The following CYP19A1 variants were observed in gnomAD, a reference collection of about 807,000 sequenced individuals.
CYP19A1 encodes cytochrome P450 family 19 subfamily A member 1.
In CYP19A1, 32 loss-of-function variants were observed where a neutral mutation model predicts 44.4. The ratio of observed to expected loss-of-function variants is 0.72; its 90% CI spans 0.54 to 0.97. The LOEUF is 0.97. Among genes scored for constraint, CYP19A1 ranks in the 50% least tolerant of loss-of-function variants. The pLI is 0.00. For missense variants in CYP19A1, 598 were observed against 637.8 expected (o/e 0.94, Z 0.67); for synonymous variants, 212 against 215.6 (o/e 0.98, Z 0.14).
chr15:51,319,986 C>T (rs910898726), intron 1 of CYP19A1, among the ~76,000 whole-genome samples: 1 of 152,232 alleles, frequency 6.6e-6, no homozygotes, highest in Non-Finnish European at 1.5e-5. Context: ...CACTTGAATG[C>T]CAGCCATCAT....
chr15:51,326,009 T>C (rs2036603087), intron 1 of CYP19A1, among the ~76,000 whole-genome samples: 1 of 152,196 alleles, frequency 6.6e-6, no homozygotes, highest in African/African-American at 2.4e-5. Flanking sequence ...TGTTATTTAT[T>C]GAATATTGTA....
intron 1 of CYP19A1, among the ~76,000 whole-genome samples, chr15:51,251,597 G>T (rs2141143067): frequency 6.6e-6 from 1 of 152,286 alleles, no homozygotes; most frequent in South Asian, 2.1e-4. Context: ...TGAACCAATG[G>T]TTAGCCTCTT....
intron 3 of CYP19A1, among the ~76,000 whole-genome samples, chr15:51,233,668 T>C (rs2033191120): frequency 6.6e-6 from 1 of 152,192 alleles, no homozygotes; most frequent in South Asian, 2.1e-4. Flanking sequence ...ATAACCCTAA[T>C]TAGTATGTTA....
chr15:51,291,473 G>A (rs1224594874), intron 1 of CYP19A1, among the ~76,000 whole-genome samples: 1 of 152,202 alleles, frequency 6.6e-6, no homozygotes, highest in Non-Finnish European at 1.5e-5. Flanking sequence ...TGTATAATGA[G>A]CATTGGTAGC....
At chr15:51,282,724 G>T (rs567355045) in intron 1 of CYP19A1, among the ~76,000 whole-genome samples, 77 of 152,306 alleles carry the variant, frequency 5.1e-4, no homozygotes, top group African/African-American at 1.7e-3. Context: ...CAAAGGCCCT[G>T]GTGAAGGAAC....
At position 51,236,847 on chromosome 15, in the gene CYP19A1, G is replaced by T. The variant is rs1341465849; in HGVS notation, c.296+12C>A. 1.1e-5 allele frequency: 18 copies of T among 1,613,840 alleles called. No individual in the cohort carries two copies. The highest frequency in any genetic ancestry group is 1.4e-5 in the Non-Finnish European group (16 of 1,179,898). On this transcript the variant is annotated intron_variant, in intron 3 of 9. Transcript: ENST00000396402. Reference sequence around the variant, plus strand: ...ATTTAAAAAGTATGTCTTCGATTATGAACAGACTCACTTGCTGATAATGAG... The same window carrying T: ...ATTTAAAAAGTATGTCTTCGATTATTAACAGACTCACTTGCTGATAATGAG...
At chr15:51,211,134 C>T (rs2030933153) in intron 9 of CYP19A1, 78 bp from the exon 10 acceptor site, 2 of 977,174 alleles carry the variant, frequency 2.0e-6, no homozygotes, top group African/African-American at 1.6e-5. Context: ...ATTCTGAAAA[C>T]ATGGGTCAGT....
intron 1 of CYP19A1, among the ~76,000 whole-genome samples, chr15:51,292,031 C>T (rs1363406688): frequency 6.6e-6 from 1 of 152,228 alleles, no homozygotes; most frequent in Non-Finnish European, 1.5e-5. Context: ...GTCACTCAGT[C>T]AGTCAGATGC....
chr15:51,280,167 G>C (rs922382584), intron 1 of CYP19A1, among the ~76,000 whole-genome samples: 4 of 148,324 alleles, frequency 2.7e-5, no homozygotes, highest in Non-Finnish European at 5.9e-5. Flanking sequence ...TGTCGCCCAG[G>C]CTGGAGTGCA....
chr15:51,285,068 G>A (rs910131842), intron 1 of CYP19A1, among the ~76,000 whole-genome samples: 1 of 152,232 alleles, frequency 6.6e-6, no homozygotes, highest in Non-Finnish European at 1.5e-5. Flanking sequence ...CATGGGGACA[G>A]ATCAAGAAAA....
intron 1 of CYP19A1, among the ~76,000 whole-genome samples, chr15:51,262,401 C>T (rs758300252): frequency 9.9e-5 from 15 of 152,184 alleles, no homozygotes; most frequent in East Asian, 1.9e-4. Flanking sequence ...TCCTCTAGCG[C>T]ACTGGGTTAG....
intron 1 of CYP19A1, chr15:51,312,180 T>G (rs561528462): frequency 2.0e-5 from 3 of 152,174 alleles, no homozygotes; most frequent in Admixed American, 6.5e-5. Context: ...CTGGAATTCA[T>G]TGGAAAGGAC....
intron 1 of CYP19A1, among the ~76,000 whole-genome samples, chr15:51,272,330 G>A (rs1389413821): frequency 6.6e-6 from 1 of 152,170 alleles, no homozygotes; most frequent in East Asian, 1.9e-4. Context: ...AGCTTCATTA[G>A]GCTATGAGCT....
chr15:51,290,226 G>C (rs1257545835), intron 1 of CYP19A1, among the ~76,000 whole-genome samples: 1 of 152,196 alleles, frequency 6.6e-6, no homozygotes, highest in Non-Finnish European at 1.5e-5. Context: ...ATAATAAAAA[G>C]AAGAAACCCT....
At chr15:51,321,294 C>T (rs1046365987) in intron 1 of CYP19A1, among the ~76,000 whole-genome samples, 5 of 152,164 alleles carry the variant, frequency 3.3e-5, no homozygotes, top group Admixed American at 1.3e-4. Context: ...CCCCATCCAC[C>T]CACCATGCCC....
At chr15:51,316,879 T>A (rs1241374546) in intron 1 of CYP19A1, among the ~76,000 whole-genome samples, 1 of 152,202 alleles carries the variant, frequency 6.6e-6, no homozygotes. Flanking sequence ...TTAGGAAGCC[T>A]CCCTTAAGGA....
intron 1 of CYP19A1, among the ~76,000 whole-genome samples, chr15:51,253,370 G>C (rs1204327760): frequency 6.6e-6 from 1 of 152,226 alleles, no homozygotes; most frequent in Non-Finnish European, 1.5e-5. Context: ...GGTCCCTAAA[G>C]AGCTATATGC....
intron 3 of CYP19A1, among the ~76,000 whole-genome samples, chr15:51,235,959 C>G (rs760343537): frequency 6.6e-6 from 1 of 152,194 alleles, no homozygotes; most frequent in African/African-American, 2.4e-5. Flanking sequence ...TAGGGAAATA[C>G]GCCATCTTTG....
At chr15:51,279,189 AG>A (rs2035430428) in intron 1 of CYP19A1, 1 of 152,270 alleles carries the variant, frequency 6.6e-6, no homozygotes, top group South Asian at 2.1e-4. Context: ...CAAGATGAGA[AG>A]TAAAAAGAGT....
Sources: gnomAD v4.1 joint callset for allele counts (sites outside exome capture counted in the v4.1 genomes callset) on GRCh38, gnomAD v4.1.1 for gene constraint, MANE v1.5 for transcripts, NCBI Gene and HGNC (gene_info 2026-07-23, HGNC 2026-07-21) for gene names.